IPO11: variants seen among roughly 807,000 people sequenced by gnomAD.
IPO11 encodes importin 11, also known as importin-11.
IPO11 carries 66 observed loss-of-function variants against 143.2 expected under a neutral mutation model. That is an observed-to-expected ratio of 0.46 (90% confidence interval 0.38 to 0.57). IPO11 has a LOEUF of 0.57. IPO11 is among the 20% of genes least tolerant of loss of function. The pLI is 0.00. For missense variants in IPO11, 1,026 were observed against 1,141.0 expected (o/e 0.90, Z 1.45); for synonymous variants, 385 against 377.8 (o/e 1.02, Z -0.22).
At chr5:62,420,631 G>T (rs775999287) in intron 1 of IPO11, among the ~76,000 whole-genome samples, 4 of 151,188 alleles carry the variant, frequency 2.6e-5, no homozygotes, top group Non-Finnish European at 5.9e-5. Flanking sequence ...CCAGGCTGGA[G>T]TGCAGTGGCA....
chr5:62,613,255 C>A (rs1437071004), intron 29 of IPO11, among the ~76,000 whole-genome samples: 1 of 149,772 alleles, frequency 6.7e-6, no homozygotes, highest in African/African-American at 2.4e-5. Flanking sequence ...GATTTTATTT[C>A]CCAAGAATAG....
intron 7 of IPO11, among the ~76,000 whole-genome samples, chr5:62,472,930 G>A (rs2112203785): frequency 6.6e-6 from 1 of 152,254 alleles, no homozygotes; most frequent in East Asian, 1.9e-4. Context: ...TGATAATGAT[G>A]GCTTTTAAAA....
chr5:62,533,459 A>G (rs1031661185), intron 22 of IPO11, among the ~76,000 whole-genome samples: 1 of 151,954 alleles, frequency 6.6e-6, no homozygotes, highest in Non-Finnish European at 1.5e-5. Flanking sequence ...TGATCCACCC[A>G]CTTTGGCCTC....
chr5:62,439,700 A>T (rs941416895), intron 2 of IPO11, among the ~76,000 whole-genome samples: 6 of 151,058 alleles, frequency 4.0e-5, no homozygotes, highest in African/African-American at 1.5e-4. Context: ...TATTTTTATT[A>T]CCTGTAATTT....
chr5:62,562,829 A>C (rs578226563), intron 27 of IPO11, among the ~76,000 whole-genome samples: 1 of 152,368 alleles, frequency 6.6e-6, no homozygotes, highest in South Asian at 2.1e-4. Flanking sequence ...ATATCATAAC[A>C]ATAGATAGTA....
chr5:62,425,215 T>C (rs1205278478), intron 1 of IPO11, among the ~76,000 whole-genome samples: 1 of 152,228 alleles, frequency 6.6e-6, no homozygotes, highest in African/African-American at 2.4e-5. Flanking sequence ...TTGAGAATTC[T>C]AAAGTTCCTC....
At chr5:62,602,811 A>C (rs1401533342) in intron 29 of IPO11, among the ~76,000 whole-genome samples, 1 of 152,120 alleles carries the variant, frequency 6.6e-6, no homozygotes, top group Non-Finnish European at 1.5e-5. Context: ...CAACATCCAA[A>C]GATTCTTAAG....
At chr5:62,453,450 C>G (rs1428627107) in intron 5 of IPO11, among the ~76,000 whole-genome samples, 1 of 146,244 alleles carries the variant, frequency 6.8e-6, no homozygotes. Context: ...TGGAAGGAGC[C>G]AAGTGAAGAG....
chr5:62,567,217 C>T (rs1182444654), intron 27 of IPO11, among the ~76,000 whole-genome samples: 2 of 152,132 alleles, frequency 1.3e-5, no homozygotes, highest in East Asian at 3.9e-4. Flanking sequence ...CCCTTTCTTT[C>T]CTTCAGCACT....
chr5:62,422,846 T>C (rs1186426946), intron 1 of IPO11, among the ~76,000 whole-genome samples: 1 of 152,226 alleles, frequency 6.6e-6, no homozygotes, highest in Non-Finnish European at 1.5e-5. Flanking sequence ...CACTATAAAA[T>C]ATGCTTCACA....
intron 15 of IPO11, among the ~76,000 whole-genome samples, chr5:62,492,242 T>C (rs932353409): frequency 6.6e-6 from 1 of 152,208 alleles, no homozygotes; most frequent in Non-Finnish European, 1.5e-5. Context: ...CAGAGTCTAA[T>C]ATGGTCTTAG....
intron 27 of IPO11, among the ~76,000 whole-genome samples, chr5:62,577,009 GA>G (rs1362894581): frequency 2.6e-5 from 4 of 152,180 alleles, no homozygotes; most frequent in African/African-American, 7.2e-5. Flanking sequence ...CAATTTCCTG[GA>G]AAGAAATAGA....
At chr5:62,621,040 G>C (rs1002225270) in intron 29 of IPO11, among the ~76,000 whole-genome samples, 1 of 152,220 alleles carries the variant, frequency 6.6e-6, no homozygotes, top group Admixed American at 6.5e-5. Flanking sequence ...GTTGAATAAT[G>C]GCACTTATCA....
intron 8 of IPO11, among the ~76,000 whole-genome samples, chr5:62,476,102 A>G (rs1047729934): frequency 6.6e-6 from 1 of 152,234 alleles, no homozygotes; most frequent in African/African-American, 2.4e-5. Flanking sequence ...TGTAGTTACT[A>G]TGTTTTCTAA....
intron 6 of IPO11, among the ~76,000 whole-genome samples, chr5:62,468,542 G>A (rs1277522228): frequency 6.6e-6 from 1 of 152,216 alleles, no homozygotes; most frequent in Admixed American, 6.5e-5. Flanking sequence ...AGAAATTACA[G>A]ACATTGGAGA....
chr5:62,496,203 G>A (rs940815707), intron 16 of IPO11, among the ~76,000 whole-genome samples: 2 of 151,508 alleles, frequency 1.3e-5, no homozygotes, highest in Non-Finnish European at 2.9e-5. Context: ...CAGGAGAATC[G>A]CTTGAACCTG....
At chr5:62,449,671 T>A in intron 3 of IPO11, 1 of 268,870 alleles carries the variant, frequency 3.7e-6, no homozygotes. Flanking sequence ...TTATCTGATG[T>A]GCCAGTGTAC....
At chr5:62,501,333 A>G (rs1374778843) in intron 16 of IPO11, among the ~76,000 whole-genome samples, 2 of 152,240 alleles carry the variant, frequency 1.3e-5, no homozygotes, top group African/African-American at 2.4e-5. Flanking sequence ...GAATTCAATT[A>G]TACTCATCAA....
intron 29 of IPO11, among the ~76,000 whole-genome samples, chr5:62,618,904 T>C (rs1404366981): frequency 6.6e-6 from 1 of 152,048 alleles, no homozygotes; most frequent in Non-Finnish European, 1.5e-5. Flanking sequence ...GTACTATCAG[T>C]CTTTTTTTTT....
Sources: allele counts gnomAD v4.1 joint callset (sites outside exome capture counted in the v4.1 genomes callset), GRCh38; gene constraint gnomAD v4.1.1; transcripts MANE v1.5; gene names NCBI Gene and HGNC (gene_info 2026-07-23, HGNC 2026-07-21).